Variants in SPTLC3 observed in about 807,000 individuals in gnomAD.
The protein encoded by SPTLC3 is serine palmitoyltransferase long chain base subunit 3, also known as serine palmitoyltransferase 3.
Under a neutral mutation model 59.3 loss-of-function variants are expected in SPTLC3, and 36 were observed. That is an observed-to-expected ratio of 0.61 (90% CI 0.47 to 0.80). SPTLC3 has a LOEUF of 0.80. Among genes scored for constraint, SPTLC3 ranks in the 30% least tolerant of loss-of-function variants. SPTLC3 has a pLI of 0.00. For synonymous variants in SPTLC3, 257 were observed against 240.8 expected (o/e 1.07, Z -0.62); for missense variants, 625 against 685.1 (o/e 0.91, Z 0.98).
chr20:13,108,366 A>G, intron 6 of SPTLC3, among the ~76,000 whole-genome samples: 1 of 152,354 alleles, frequency 6.6e-6, no homozygotes, highest in East Asian at 1.9e-4. Flanking sequence ...GCAGCCACTA[A>G]TGCATTCACT....
chr20:13,054,211 G>A (rs1436653772), intron 2 of SPTLC3, among the ~76,000 whole-genome samples: 4 of 152,190 alleles, frequency 2.6e-5, no homozygotes. Context: ...GTGAATGAGA[G>A]TGGGAGTATG....
rs1222661147 is a variant in SPTLC3 at position 13,009,375 on chromosome 20, G to C, written c.108G>C (p.Lys36Asn). 2 of 1,613,768 alleles carry C rather than the reference G, an allele frequency of 1.2e-6. No homozygotes were observed. The highest frequency in any genetic ancestry group is 4.5e-5 in the East Asian group (2 of 44,876). The change falls in exon 1 of 12, where the codon AAG (lysine) becomes AAC (asparagine). Residue 36 changes from lysine (K) to asparagine (N), a missense_variant. Physicochemically the swap from Lys to Asn is moderately conservative, Grantham distance 94 (BLOSUM62 0). Transcript: ENST00000399002. ...ACTGCACAAAGAATGGAATAGTGAA[G>C]GAAGCCCAGGTAAGAGGCACTCTCC... Reference protein sequence around the residue: ...SRNCTKNGIVKEAQQNGKPHF... With the variant: ...SRNCTKNGIVNEAQQNGKPHF...
At chr20:13,017,924 G>A (rs774637413) in intron 1 of SPTLC3, among the ~76,000 whole-genome samples, 1 of 152,176 alleles carries the variant, frequency 6.6e-6, no homozygotes, top group Non-Finnish European at 1.5e-5. Flanking sequence ...TCCTTGTAGA[G>A]TGCCCATTCT....
chr20:13,015,900 C>T (rs1985505744), intron 1 of SPTLC3, among the ~76,000 whole-genome samples: 1 of 151,480 alleles, frequency 6.6e-6, no homozygotes, highest in African/African-American at 2.4e-5. Context: ...TACCCAGGAG[C>T]CATAAAACAG....
intron 1 of SPTLC3, among the ~76,000 whole-genome samples, chr20:13,020,255 T>C (rs1319886530): frequency 1.3e-5 from 2 of 151,820 alleles, no homozygotes; most frequent in Non-Finnish European, 2.9e-5. Flanking sequence ...CTCATGCCTA[T>C]AGTTCTAAAG....
intron 2 of SPTLC3, chr20:13,050,798 A>C (rs1291175489): frequency 6.6e-6 from 1 of 152,248 alleles, no homozygotes; most frequent in Non-Finnish European, 1.5e-5. Flanking sequence ...AACAATTATC[A>C]GCCAAGAATT....
intron 9 of SPTLC3, among the ~76,000 whole-genome samples, chr20:13,127,975 G>C (rs950039350): frequency 6.6e-6 from 1 of 152,154 alleles, no homozygotes; most frequent in Non-Finnish European, 1.5e-5. Context: ...CTATTCACTC[G>C]TATGTGGCCT....
At chr20:13,113,072 A>C (rs985634427) in intron 7 of SPTLC3, among the ~76,000 whole-genome samples, 7 of 152,148 alleles carry the variant, frequency 4.6e-5, no homozygotes, top group African/African-American at 7.2e-5. Flanking sequence ...AATCCCAGTT[A>C]CTGAGGAGGC....
At chr20:13,129,005 T>C (rs1474458320) in intron 9 of SPTLC3, among the ~76,000 whole-genome samples, 1 of 151,482 alleles carries the variant, frequency 6.6e-6, no homozygotes, top group African/African-American at 2.4e-5. Context: ...GCCTCCCGAG[T>C]AGCTGGGATT....
intron 4 of SPTLC3, among the ~76,000 whole-genome samples, chr20:13,081,049 C>T (rs993068326): frequency 1.3e-5 from 2 of 152,056 alleles, no homozygotes; most frequent in Admixed American, 6.5e-5. Context: ...CTCCTGTCGA[C>T]CTAAAGAAAG....
At chr20:13,044,691 G>A (rs1987150347) in intron 1 of SPTLC3, among the ~76,000 whole-genome samples, 1 of 152,038 alleles carries the variant, frequency 6.6e-6, no homozygotes, top group African/African-American at 2.4e-5. Context: ...TATTGTAGCA[G>A]GTAACCTGCA....
At chr20:13,145,938 C>T (rs1043653203) in intron 9 of SPTLC3, among the ~76,000 whole-genome samples, 2 of 152,140 alleles carry the variant, frequency 1.3e-5, no homozygotes, top group Non-Finnish European at 2.9e-5. Flanking sequence ...TAAATAGGGA[C>T]AAATATAAAT....
At chr20:13,126,500 C>T (rs1286624229) in intron 8 of SPTLC3, 91 bp from the exon 9 acceptor site, 27 of 1,441,892 alleles carry the variant, frequency 1.9e-5, no homozygotes, top group Non-Finnish European at 2.2e-5. Flanking sequence ...ATGTCTTTTG[C>T]TATGAGGATA....
intron 2 of SPTLC3, among the ~76,000 whole-genome samples, chr20:13,056,664 G>A (rs1276512996): frequency 6.6e-6 from 1 of 151,228 alleles, no homozygotes; most frequent in Non-Finnish European, 1.5e-5. Flanking sequence ...TGCCTAGGCT[G>A]GTCTCAAACT....
In SPTLC3 at chr20:13,166,370, G is replaced by T. The variant is rs1460591565; in HGVS notation, c.*1503G>T. 1.3e-5 allele frequency: 2 copies of T among 152,418 alleles called. No homozygotes were observed. Among genetic ancestry groups the T allele is most frequent in the Non-Finnish European group, 2.9e-5 (2 of 68,032 alleles). The allele number at this position is 152,418 out of a possible 1,614,324, so 9.4% of individuals were successfully genotyped here. ...GATCAGCATGGAAAGTTTTTATGGG[G>T]AAATTATAACTCCAAGTGGGTGCAT... On this transcript the variant is annotated 3_prime_UTR_variant, in exon 12 of 12. Coordinates refer to ENST00000399002, the MANE Select transcript of SPTLC3 (RefSeq NM_018327.4).
chr20:13,082,879 T>G (rs2122600212), intron 4 of SPTLC3, among the ~76,000 whole-genome samples: 1 of 152,272 alleles, frequency 6.6e-6, no homozygotes, highest in South Asian at 2.1e-4. Flanking sequence ...TTAAGGCCAG[T>G]GATATCAACT....
Position 13,160,083 on chromosome 20 carries a change from G to A in SPTLC3, c.1496G>A (p.Arg499Gln), listed in dbSNP as rs765754855. The change falls in exon 11 of 12, where the codon CGG becomes CAG. Residue 499 changes from arginine (R) to glutamine (Q), a missense_variant. Transcript: ENST00000399002. ...GFPATPLAEA[R>Q]ARFCVSAAHT... is the part of the protein sequence containing the mutation. Reference sequence around the variant, plus strand: ...CCAGCCACTCCCCTCGCAGAAGCTCGGGCTCGGTTTTGTGTTTCAGCGGCA... The same window carrying A: ...CCAGCCACTCCCCTCGCAGAAGCTCAGGCTCGGTTTTGTGTTTCAGCGGCA... 1.5e-5 allele frequency: 25 copies of A among 1,613,612 alleles called. No individual in the cohort carries two copies. Among genetic ancestry groups the A allele is most frequent in the Admixed American group, 5.0e-5 (3 of 59,972 alleles).
At chr20:13,078,447 C>G (rs973609642) in intron 4 of SPTLC3, among the ~76,000 whole-genome samples, 2 of 151,336 alleles carry the variant, frequency 1.3e-5, no homozygotes, top group Non-Finnish European at 2.9e-5. Flanking sequence ...AGAACATAAA[C>G]AAGAAATTCC....
At position 13,166,102 on chromosome 20, in the gene SPTLC3, A is replaced by T. The variant is rs2038980660; in HGVS notation, c.*1235A>T. On this transcript the variant is annotated 3_prime_UTR_variant, in exon 12 of 12. Transcript: ENST00000399002. ...GCTCCCAGAGGGTGCCCAGATTTGGAAATTCTAGAGAGCAGTGGTGACCTT... is the reference window on the plus strand; with the variant it reads ...GCTCCCAGAGGGTGCCCAGATTTGGTAATTCTAGAGAGCAGTGGTGACCTT... 1 of 152,668 alleles carries T rather than the reference A, an allele frequency of 6.6e-6. No individual in the cohort carries two copies. Among genetic ancestry groups the T allele is most frequent in the Non-Finnish European group, 1.5e-5 (1 of 68,056 alleles). The allele number at this position is 152,668 out of a possible 1,614,324, so 9.5% of individuals were successfully genotyped here.
Sources: gnomAD v4.1 joint callset for allele counts (sites outside exome capture counted in the v4.1 genomes callset) on GRCh38, gnomAD v4.1.1 for gene constraint, MANE v1.5 for transcripts, NCBI Gene and HGNC (gene_info 2026-07-23, HGNC 2026-07-21) for gene names.